GPATCH2: variants seen among roughly 807,000 people sequenced by gnomAD.
The protein encoded by GPATCH2 is G-patch domain containing 2.
GPATCH2 carries 51 observed loss-of-function variants against 58.0 expected under a neutral mutation model. The observed-to-expected ratio is 0.88, with a 90% CI of 0.70 to 1.11. The LOEUF (loss-of-function observed/expected upper bound fraction) is 1.11. Ranked by LOEUF, GPATCH2 falls within the 50% of genes most tolerant of loss-of-function variation. The pLI, the probability that GPATCH2 is intolerant of heterozygous loss-of-function variation, is 0.00. For synonymous variants in GPATCH2, 222 were observed against 218.5 expected (o/e 1.02, Z -0.14); for missense variants, 625 against 652.2 (o/e 0.96, Z 0.45).
intron 5 of GPATCH2, among the ~76,000 whole-genome samples, chr1:217,571,512 T>TAA (rs11366675): frequency 0.014 from 1,928 of 142,724 alleles, 45 homozygotes; most frequent in East Asian, 0.098. Context: ...TGAAAGACAT[T>TAA]AAAAAAAAAA....
chr1:217,516,295 C>T lies in GPATCH2; in HGVS notation c.1099-1406G>A, dbSNP rs576943985. Among the ~76,000 whole-genome samples the T allele has an allele frequency of 2.3e-3, 346 of 152,220 alleles. 2 individuals carry two copies. The highest frequency in any genetic ancestry group is 8.2e-3 in the African/African-American group (340 of 41,548). ...ATAGAATGGGGGGAAAAGCATGAGA[C>T]AGCAATAAAATTCCTCTTAAAAAAA... On this transcript the variant is annotated intron_variant, in intron 5 of 9. Transcript: ENST00000366935.
At chr1:217,618,353 G>A (rs757079888) in intron 2 of GPATCH2, among the ~76,000 whole-genome samples, 8 of 151,382 alleles carry the variant, frequency 5.3e-5, no homozygotes, top group Admixed American at 2.0e-4. Context: ...GGGACTCGGC[G>A]CACATCACCA....
intron 5 of GPATCH2, among the ~76,000 whole-genome samples, chr1:217,598,804 C>T (rs887371449): frequency 6.6e-6 from 1 of 152,180 alleles, no homozygotes; most frequent in African/African-American, 2.4e-5. Flanking sequence ...TAATAGCTCC[C>T]ATCGTTGGAG....
intron 5 of GPATCH2, chr1:217,608,216 G>GA (rs35862723): frequency 0.012 from 9,801 of 833,304 alleles, 6 homozygotes; most frequent in African/African-American, 0.02. Context: ...AGATTTTATT[G>GA]AAAAAAAAAA....
intron 9 of GPATCH2, among the ~76,000 whole-genome samples, chr1:217,431,788 A>G (rs1380798940): frequency 6.6e-6 from 1 of 152,192 alleles, no homozygotes; most frequent in Non-Finnish European, 1.5e-5. Context: ...TCACCAACCT[A>G]TATTGTAATA....
intron 5 of GPATCH2, among the ~76,000 whole-genome samples, chr1:217,561,432 A>C (rs1665919122): frequency 6.6e-6 from 1 of 152,220 alleles, no homozygotes; most frequent in Admixed American, 6.5e-5. Flanking sequence ...GTGACACTTC[A>C]AGCAGCGAGA....
rs573774710 is a variant in GPATCH2, at chr1:217,584,364, T to C, written c.1098+25957A>G. Among the ~76,000 whole-genome samples, 539 of 121,538 alleles carry C rather than the reference T, an allele frequency of 4.4e-3. 13 individuals carry two copies. Among genetic ancestry groups the C allele is most frequent in the African/African-American group, 0.015 (501 of 32,674 alleles). The allele number at this position is 121,538 out of a possible 152,430, so 79.7% of individuals were successfully genotyped here. On this transcript the variant is annotated intron_variant, in intron 5 of 9. Transcript: ENST00000366935. ...AAAAAAATATATATATATATATATATACACACACACAAAAATTAGCCAGGC... is the reference window on the plus strand; with the variant it reads ...AAAAAAATATATATATATATATATACACACACACACAAAAATTAGCCAGGC...
At chr1:217,433,375 T>G (rs1295918477) in intron 9 of GPATCH2, among the ~76,000 whole-genome samples, 1 of 60,972 alleles carries the variant, frequency 1.6e-5, no homozygotes, top group Non-Finnish European at 3.4e-5. Context: ...TATATATATA[T>G]ATATATATAT....
chr1:217,482,571 AAGTGGG>A (rs1426687822), intron 8 of GPATCH2, among the ~76,000 whole-genome samples: 2 of 152,212 alleles, frequency 1.3e-5, no homozygotes, highest in Non-Finnish European at 2.9e-5. Flanking sequence ...ATAAGAGTTG[AAGTGGG>A]AGGAGATGAG....
In GPATCH2 at chr1:217,463,641, C is replaced by CAAAAAAAAAAAAAAAAAAAAAAAA. The variant is rs201402598; in HGVS notation, c.1278-14328_1278-14305dup. ...GCAACATAGCAAGAACTTATCACTC[C>CAAAAAAAAAAAAAAAAAAAAAAAA]AAAAAAAAAAAAAAAAAAAAAAAAA... is the stretch of plus-strand genomic sequence containing the variant. On this transcript the variant is annotated intron_variant, in intron 8 of 9. Coordinates refer to ENST00000366935, the MANE Select transcript of GPATCH2 (RefSeq NM_018040.5). Among the ~76,000 whole-genome samples, 2 of 82,454 alleles carry CAAAAAAAAAAAAAAAAAAAAAAAA rather than the reference C, an allele frequency of 2.4e-5. 1 individual carries two copies. Among genetic ancestry groups the CAAAAAAAAAAAAAAAAAAAAAAAA allele is most frequent in the Non-Finnish European group, 4.4e-5 (2 of 45,036 alleles). The allele number at this position is 82,454 out of a possible 152,430, so 54.1% of individuals were successfully genotyped here. A position where few individuals can be genotyped will look rare whatever the true frequency, so the allele number is the denominator to read the frequency against.
At chr1:217,606,843 T>C (rs972966633) in intron 5 of GPATCH2, among the ~76,000 whole-genome samples, 2 of 152,170 alleles carry the variant, frequency 1.3e-5, no homozygotes, top group African/African-American at 4.8e-5. Context: ...ATATATCTAA[T>C]AATAGTAACA....
chr1:217,483,092 G>T (rs933929377), intron 8 of GPATCH2, among the ~76,000 whole-genome samples: 1 of 152,118 alleles, frequency 6.6e-6, no homozygotes, highest in East Asian at 1.9e-4. Context: ...TATACTCTCT[G>T]TCGAAGTTTT....
Position 217,497,448 on chromosome 1 carries a change from G to A in GPATCH2, c.1206+908C>T, listed in dbSNP as rs1012817828. On this transcript the variant is annotated intron_variant, in intron 7 of 9. Transcript: ENST00000366935. The stretch of plus-strand genomic sequence containing the variant: ...TGGAAGGTATTTCTATTAAGCTTAT[G>A]TGTGTTAAAAAATAAAGAAGGGTTC... Among the ~76,000 whole-genome samples the A allele has an allele frequency of 2.0e-5, 3 of 152,188 alleles. No individual in the cohort carries two copies. The East Asian group carries it at 5.8e-4, about 29-fold the overall frequency.
At chr1:217,596,914 AC>A (rs1325856734) in intron 5 of GPATCH2, among the ~76,000 whole-genome samples, 1 of 152,194 alleles carries the variant, frequency 6.6e-6, no homozygotes, top group African/African-American at 2.4e-5. Context: ...TTCCCAGGAA[AC>A]ATAACACATT....
chr1:217,543,574 T>A (rs995308800), intron 5 of GPATCH2, among the ~76,000 whole-genome samples: 1 of 152,090 alleles, frequency 6.6e-6, no homozygotes, highest in African/African-American at 2.4e-5. Context: ...TGGCCAGGAA[T>A]GTTTTAAATC....
At chr1:217,574,888 G>A (rs1666735560) in intron 5 of GPATCH2, among the ~76,000 whole-genome samples, 1 of 152,170 alleles carries the variant, frequency 6.6e-6, no homozygotes, top group Non-Finnish European at 1.5e-5. Context: ...ATCAAATTCA[G>A]AGATAAGGGA....
intron 5 of GPATCH2, among the ~76,000 whole-genome samples, chr1:217,586,696 T>C (rs1667357445): frequency 6.6e-6 from 1 of 152,272 alleles, no homozygotes; most frequent in African/African-American, 2.4e-5. Flanking sequence ...CTATTATGTA[T>C]GGTACATACT....
rs553365215 is a variant in GPATCH2 at position 217,469,521 on chromosome 1, G to T, written c.1278-20184C>A. Among the ~76,000 whole-genome samples, 4 of 152,148 alleles carry T rather than the reference G, an allele frequency of 2.6e-5. No individual in the cohort carries two copies. In the East Asian group the frequency reaches 7.7e-4, roughly 29 times the overall value. On this transcript the variant is annotated intron_variant, in intron 8 of 9. Transcript: ENST00000366935. ...GAAAGGTACTGATTATAAAGAAATT[G>T]ATTCTTTTAAAAACATAGTTATAAC...
chr1:217,514,476 G>C (rs141862142), intron 6 of GPATCH2, among the ~76,000 whole-genome samples: 103 of 152,232 alleles, frequency 6.8e-4, no homozygotes, highest in African/African-American at 2.4e-3. Flanking sequence ...CTTCATTTTA[G>C]TATTTTAGAA....
Sources: gnomAD v4.1 joint callset for allele counts (sites outside exome capture counted in the v4.1 genomes callset) on GRCh38, gnomAD v4.1.1 for gene constraint, MANE v1.5 for transcripts, NCBI Gene and HGNC (gene_info 2026-07-23, HGNC 2026-07-21) for gene names.